Variants in GRIA4 observed in about 807,000 individuals in gnomAD.
The protein encoded by GRIA4 is glutamate ionotropic receptor AMPA type subunit 4.
In GRIA4, 34 loss-of-function variants were observed where a neutral mutation model predicts 104.0. The ratio of observed to expected loss-of-function variants is 0.33; its 90% CI spans 0.25 to 0.44. The LOEUF (loss-of-function observed/expected upper bound fraction) is 0.44, where lower values mean the gene tolerates loss of function less well. Among genes scored for constraint, GRIA4 ranks in the 20% least tolerant of loss-of-function variants. The pLI is 1.00. For missense variants in GRIA4, 750 were observed against 1,096.5 expected, an observed-to-expected ratio of 0.68 and a Z score of 4.46; for synonymous variants, 386 against 381.9, an observed-to-expected ratio of 1.01 and a Z score of -0.13.
chr11:105,966,370 C>A lies in GRIA4; in HGVS notation c.2295-5544C>A, dbSNP rs184908512. Reference sequence around the variant, plus strand: ...AAGGGATGTTAAGTTTCTGAAACAGCAAGTTAGAGAAGAGAGGGGAGGGAG... The same window carrying A: ...AAGGGATGTTAAGTTTCTGAAACAGAAAGTTAGAGAAGAGAGGGGAGGGAG... On this transcript the variant is annotated intron_variant, in intron 14 of 16. Transcript: ENST00000282499. Among the ~76,000 whole-genome samples the A allele has an allele frequency of 5.3e-5, 8 of 152,208 alleles. No individual in the cohort carries two copies. In the East Asian group the frequency reaches 1.5e-3, roughly 29 times the overall value.
intron 3 of GRIA4, among the ~76,000 whole-genome samples, chr11:105,683,965 C>T (rs1255744867): frequency 6.6e-6 from 1 of 152,010 alleles, no homozygotes; most frequent in African/African-American, 2.4e-5. Flanking sequence ...AACTTCACCT[C>T]CTGGGTTCAA....
chr11:105,833,582 A>G (rs1468911498), intron 4 of GRIA4, among the ~76,000 whole-genome samples: 1 of 152,038 alleles, frequency 6.6e-6, no homozygotes, highest in Non-Finnish European at 1.5e-5. Flanking sequence ...AAACTGGAAC[A>G]AAGGGTTAAG....
intron 4 of GRIA4, among the ~76,000 whole-genome samples, chr11:105,779,751 G>A (rs1941637115): frequency 6.6e-6 from 1 of 152,132 alleles, no homozygotes; most frequent in Admixed American, 6.5e-5. Context: ...CACGCTACCT[G>A]ACTTCAAACT....
At chr11:105,614,379 G>A (rs1950549013) in intron 3 of GRIA4, 2 of 151,588 alleles carry the variant, frequency 1.3e-5, no homozygotes, top group African/African-American at 2.4e-5. Flanking sequence ...ACTGTAACTA[G>A]TATTATTTTA....
rs183110846 is a variant in GRIA4 at position 105,664,004 on chromosome 11, G to C, written c.247+51570G>C. Reference sequence around the variant, plus strand: ...CCATGATAATAATATTTACCTTGCAGGGTTGTCAGGAAGATCGAAGGAAAA... The same window carrying C: ...CCATGATAATAATATTTACCTTGCACGGTTGTCAGGAAGATCGAAGGAAAA... On this transcript the variant is annotated intron_variant, in intron 3 of 16. Transcript: ENST00000282499. Among the ~76,000 whole-genome samples the C allele has an allele frequency of 1.9e-3, 294 of 150,838 alleles. 2 individuals carry two copies. Among genetic ancestry groups the C allele is most frequent in the African/African-American group, 7.0e-3 (286 of 41,068 alleles).
intron 14 of GRIA4, among the ~76,000 whole-genome samples, chr11:105,938,178 T>G (rs1471812391): frequency 6.6e-6 from 1 of 152,208 alleles, no homozygotes; most frequent in African/African-American, 2.4e-5. Flanking sequence ...AAACTTAGTA[T>G]GCAAATTCAT....
intron 14 of GRIA4, 50 bp downstream of exon 14, chr11:105,934,019 CT>C: frequency 6.9e-7 from 1 of 1,445,426 alleles, no homozygotes; most frequent in Non-Finnish European, 9.5e-7. Context: ...AGTATTCCAC[CT>C]TCCCTGATGT....
intron 14 of GRIA4, among the ~76,000 whole-genome samples, chr11:105,943,959 A>G (rs906841649): frequency 3.9e-5 from 6 of 152,144 alleles, no homozygotes; most frequent in Non-Finnish European, 7.4e-5. Flanking sequence ...TAGAATATTT[A>G]TTAAAAACAA....
intron 13 of GRIA4, among the ~76,000 whole-genome samples, chr11:105,928,158 A>G (rs997130888): frequency 1.3e-5 from 2 of 151,980 alleles, no homozygotes; most frequent in Non-Finnish European, 2.9e-5. Flanking sequence ...AGAAAATTTG[A>G]TTATAGTATC....
chr11:105,656,081 C>G (rs1951835194), intron 3 of GRIA4, among the ~76,000 whole-genome samples: 1 of 152,114 alleles, frequency 6.6e-6, no homozygotes, highest in Non-Finnish European at 1.5e-5. Context: ...CTCTCATGAC[C>G]AGTGATGATG....
intron 6 of GRIA4, among the ~76,000 whole-genome samples, chr11:105,890,607 G>A (rs1946421263): frequency 6.6e-6 from 1 of 151,990 alleles, no homozygotes; most frequent in African/African-American, 2.4e-5. Flanking sequence ...TTAGCTTTTG[G>A]AGCTATTGCA....
chr11:105,818,655 T>G (rs1445439636), intron 4 of GRIA4, among the ~76,000 whole-genome samples: 2 of 152,136 alleles, frequency 1.3e-5, no homozygotes, highest in Non-Finnish European at 2.9e-5. Context: ...ACATGACAAA[T>G]ACAACTTTCA....
chr11:105,647,170 T>G (rs905475809), intron 3 of GRIA4, among the ~76,000 whole-genome samples: 17 of 152,114 alleles, frequency 1.1e-4, no homozygotes, highest in African/African-American at 4.1e-4. Context: ...AAGACATCCA[T>G]GCAGCCCATA....
chr11:105,663,550 G>C (rs1169667522), intron 3 of GRIA4, among the ~76,000 whole-genome samples: 6 of 151,922 alleles, frequency 3.9e-5, no homozygotes, highest in Non-Finnish European at 8.8e-5. Flanking sequence ...GACAGGACTA[G>C]CTTTAATAAG....
intron 4 of GRIA4, among the ~76,000 whole-genome samples, chr11:105,756,653 C>T (rs566497252): frequency 1.3e-4 from 19 of 151,314 alleles, no homozygotes; most frequent in African/African-American, 2.2e-4. Context: ...TCCTAACCAA[C>T]GCCCCCCACC....
intron 4 of GRIA4, among the ~76,000 whole-genome samples, chr11:105,809,286 T>C (rs943353067): frequency 2.6e-5 from 4 of 152,328 alleles, no homozygotes; most frequent in East Asian, 3.9e-4. Flanking sequence ...GATACAAGCA[T>C]ACAAAGTGTA....
chr11:105,885,450 T>C (rs1591395522), intron 5 of GRIA4, among the ~76,000 whole-genome samples: 1 of 152,216 alleles, frequency 6.6e-6, no homozygotes, highest in African/African-American at 2.4e-5. Flanking sequence ...ATGTAAAATA[T>C]TATAAATGCA....
chr11:105,628,599 G>T (rs1390397444), intron 3 of GRIA4, among the ~76,000 whole-genome samples: 1 of 152,118 alleles, frequency 6.6e-6, no homozygotes, highest in Non-Finnish European at 1.5e-5. Context: ...CTTCCACCAT[G>T]ATTGTAAGTT....
chr11:105,884,992 G>A (rs1349511514), intron 5 of GRIA4, among the ~76,000 whole-genome samples: 1 of 96,026 alleles, frequency 1.0e-5, no homozygotes, highest in Non-Finnish European at 2.4e-5. Context: ...CAGGGGCTTA[G>A]AGAGAGTGCA....
Sources: gnomAD v4.1 joint callset for allele counts (sites outside exome capture counted in the v4.1 genomes callset) on GRCh38, gnomAD v4.1.1 for gene constraint, MANE v1.5 for transcripts, NCBI Gene and HGNC (gene_info 2026-07-23, HGNC 2026-07-21) for gene names.